Variants in PTPRT observed in about 807,000 individuals in gnomAD.
PTPRT encodes receptor-type tyrosine-protein phosphatase T.
Under a neutral mutation model 176.8 loss-of-function variants are expected in PTPRT, and 56 were observed. The ratio of observed to expected loss-of-function variants is 0.32; its 90% CI spans 0.26 to 0.40. PTPRT has a LOEUF of 0.40. Among genes scored for constraint, PTPRT ranks in the 10% least tolerant of loss-of-function variants. The probability of loss-of-function intolerance (pLI) is 1.00; values close to 1 mark genes in which losing one functional copy is unlikely to be tolerated. For synonymous variants in PTPRT, 783 were observed against 739.0 expected (o/e 1.06, Z -0.96); for missense variants, 1,540 against 1,908.2 (o/e 0.81, Z 3.60).
chr20:43,085,387 A>G (rs1032394957), intron 1 of PTPRT, among the ~76,000 whole-genome samples: 2 of 152,212 alleles, frequency 1.3e-5, no homozygotes, highest in Non-Finnish European at 2.9e-5. Context: ...ATGCTACTCT[A>G]TTAGCATATA....
intron 9 of PTPRT, among the ~76,000 whole-genome samples, chr20:42,432,006 C>G (rs1319272644): frequency 1.3e-5 from 2 of 152,222 alleles, no homozygotes; most frequent in African/African-American, 2.4e-5. Context: ...GGCATTGCAA[C>G]TGACAGCATG....
intron 15 of PTPRT, among the ~76,000 whole-genome samples, chr20:42,223,035 C>T (rs1219093227): frequency 6.6e-6 from 1 of 152,092 alleles, no homozygotes; most frequent in Non-Finnish European, 1.5e-5. Flanking sequence ...GGGAAAACAT[C>T]CCATACATTT....
At chr20:42,664,978 T>C (rs566593204) in intron 7 of PTPRT, among the ~76,000 whole-genome samples, 14 of 152,092 alleles carry the variant, frequency 9.2e-5, no homozygotes, top group South Asian at 2.1e-4. Flanking sequence ...AAATGTTAGA[T>C]CTAAAACCAC....
intron 13 of PTPRT, among the ~76,000 whole-genome samples, chr20:42,277,106 A>G (rs951956482): frequency 4.6e-5 from 7 of 152,144 alleles, no homozygotes; most frequent in African/African-American, 1.7e-4. Context: ...CATCGCTGCC[A>G]CCAAGCAGAA....
the PTPRT span, among the ~76,000 whole-genome samples, chr20:42,045,056 G>A: frequency 1.3e-5 from 2 of 152,108 alleles, no homozygotes; most frequent in Admixed American, 1.3e-4. Flanking sequence ...AGATGCTTTT[G>A]ACTATGTTAG....
At chr20:42,586,679 A>G (rs904577190) in intron 7 of PTPRT, among the ~76,000 whole-genome samples, 1 of 152,102 alleles carries the variant, frequency 6.6e-6, no homozygotes, top group Non-Finnish European at 1.5e-5. Flanking sequence ...TTTTATTCCT[A>G]TATCTTCTTA....
chr20:42,117,331 T>C (rs1987340700), intron 21 of PTPRT, among the ~76,000 whole-genome samples: 2 of 152,236 alleles, frequency 1.3e-5, no homozygotes, highest in African/African-American at 4.8e-5. Flanking sequence ...TTTTAGTTAG[T>C]TCATATGATG....
intron 7 of PTPRT, among the ~76,000 whole-genome samples, chr20:42,479,016 C>T (rs230153): frequency 0.21 from 32,469 of 152,120 alleles, 3,501 homozygotes; most frequent in East Asian, 0.27. Flanking sequence ...TCAGGATCTC[C>T]TTACACTCCA....
chr20:42,289,902 C>T (rs1191641795), intron 12 of PTPRT, among the ~76,000 whole-genome samples: 3 of 152,120 alleles, frequency 2.0e-5, no homozygotes, highest in East Asian at 1.9e-4. Flanking sequence ...GATGCCAAAA[C>T]GTTTGTTTTC....
At chr20:43,034,320 G>C (rs1177519700) in intron 1 of PTPRT, among the ~76,000 whole-genome samples, 2 of 152,138 alleles carry the variant, frequency 1.3e-5, no homozygotes, top group Non-Finnish European at 2.9e-5. Flanking sequence ...GATGCATCTT[G>C]TAGAGGCAGG....
At chr20:42,806,978 G>A (rs955978899) in intron 2 of PTPRT, among the ~76,000 whole-genome samples, 1 of 152,138 alleles carries the variant, frequency 6.6e-6, no homozygotes, top group African/African-American at 2.4e-5. Context: ...CTATAGCACT[G>A]CACTTGTGAA....
At chr20:43,079,770 T>C (rs1783117149) in intron 1 of PTPRT, among the ~76,000 whole-genome samples, 1 of 152,192 alleles carries the variant, frequency 6.6e-6, no homozygotes, top group African/African-American at 2.4e-5. Flanking sequence ...GTCGGTTAAT[T>C]ATTTTTTTCT....
chr20:42,227,605 T>C (rs1375512075), intron 15 of PTPRT, among the ~76,000 whole-genome samples: 1 of 137,234 alleles, frequency 7.3e-6, no homozygotes, highest in Non-Finnish European at 1.6e-5. Flanking sequence ...TCATTGTTTT[T>C]TTTTTTTTTT....
intron 1 of PTPRT, among the ~76,000 whole-genome samples, chr20:43,112,015 G>A (rs187024972): frequency 2.6e-5 from 4 of 152,268 alleles, no homozygotes; most frequent in Non-Finnish European, 2.9e-5. Flanking sequence ...CTCACCTCCC[G>A]CCCACTCCAG....
chr20:42,424,630 A>G (rs1347290573), intron 9 of PTPRT, among the ~76,000 whole-genome samples: 2 of 152,100 alleles, frequency 1.3e-5, no homozygotes, highest in Non-Finnish European at 2.9e-5. Flanking sequence ...GTCACTGTCT[A>G]TGAGGATGGA....
In PTPRT at chr20:42,885,922, G is replaced by A. The variant is rs1391292684; in HGVS notation, c.99C>T (p.Ser33=). Residue 33 remains serine, a synonymous_variant, in exon 2 of 31, where the codon TCC becomes TCT. Transcript: ENST00000373187. ...CACAGTTGCTGTAGTGCTCATCAAA[G>A]GAACAGCCACCTGTAGACAAAAGAG... is the stretch of plus-strand genomic sequence containing the variant. ...ARAQSAAGGC[S]FDEHYSNCGY... is the part of the protein sequence containing the mutation. 3.1e-6 allele frequency: 5 copies of A among 1,606,574 alleles called. No homozygotes were observed. The African/African-American group carries it at 6.7e-5, about 22-fold the overall frequency.
At position 43,147,516 on chromosome 20, in the gene PTPRT, C is replaced by T. The variant is rs2014206400; in HGVS notation, c.88+42130G>A. On this transcript the variant is annotated intron_variant, in intron 1 of 30. Transcript: ENST00000373187. ...AAGCCCCTGTGCCCAGAGCCTGGTGCTCCATAAATGTTTGCTGAGCACATG... is the reference window on the plus strand; with the variant it reads ...AAGCCCCTGTGCCCAGAGCCTGGTGTTCCATAAATGTTTGCTGAGCACATG... 2.0e-5 allele frequency among the ~76,000 whole-genome samples: 3 copies of T among 152,176 alleles called. No individual in the cohort carries two copies. The South Asian group carries it at 6.2e-4, about 32-fold the overall frequency.
chr20:43,133,593 A>C (rs147434604), intron 1 of PTPRT, among the ~76,000 whole-genome samples: 3,144 of 152,054 alleles, frequency 0.021, 110 homozygotes, highest in African/African-American at 0.073. Flanking sequence ...TAAAAATACA[A>C]AACATTAGCC....
At chr20:43,006,191 T>A (rs1984846946) in intron 1 of PTPRT, among the ~76,000 whole-genome samples, 1 of 152,326 alleles carries the variant, frequency 6.6e-6, no homozygotes, top group African/African-American at 2.4e-5. Context: ...GATACATTTT[T>A]AAAACAGAAA....
Sources: gnomAD v4.1 joint callset for allele counts (sites outside exome capture counted in the v4.1 genomes callset) on GRCh38, gnomAD v4.1.1 for gene constraint, MANE v1.5 for transcripts, NCBI Gene and HGNC (gene_info 2026-07-23, HGNC 2026-07-21) for gene names.